ZYG11A: variants seen among roughly 807,000 people sequenced by gnomAD.
The protein encoded by ZYG11A is zyg-11 family member A, cell cycle regulator.
ZYG11A carries 62 observed loss-of-function variants against 77.2 expected under a neutral mutation model. The observed-to-expected ratio is 0.80, with a 90% CI of 0.65 to 0.99. The LOEUF (loss-of-function observed/expected upper bound fraction) is 0.99, where lower values mean the gene tolerates loss of function less well. ZYG11A is among the 50% of genes least tolerant of loss of function. The pLI, the probability that ZYG11A is intolerant of heterozygous loss-of-function variation, is 0.00. For synonymous variants in ZYG11A, 315 were observed against 324.6 expected, an observed-to-expected ratio of 0.97 and a Z score of 0.32; for missense variants, 828 against 896.8, an observed-to-expected ratio of 0.92 and a Z score of 0.98.
intron 13 of ZYG11A, among the ~76,000 whole-genome samples, chr1:52,887,552 A>G (rs1248896701): frequency 1.3e-5 from 2 of 152,028 alleles, no homozygotes; most frequent in African/African-American, 4.8e-5. Context: ...TTTCCCAGAC[A>G]GATTAAATAT....
At position 52,881,455 on chromosome 1, in the gene ZYG11A, T is replaced by G. The variant is rs943250134; in HGVS notation, c.1750-16T>G. 2 of 1,520,260 alleles carry G rather than the reference T, an allele frequency of 1.3e-6. No individual in the cohort carries two copies. The highest frequency in any genetic ancestry group is 2.8e-5 in the African/African-American group (2 of 72,238). The allele number at this position is 1,520,260 out of a possible 1,614,324, so 94.2% of individuals were successfully genotyped here. On this transcript the variant is annotated splice_polypyrimidine_tract_variant and intron_variant, in intron 10 of 13. Transcript: ENST00000371528. The stretch of plus-strand genomic sequence containing the variant: ...CCTTCTTGTCTCTGGGGTTCTCTGC[T>G]CCATCTGACCTGTAGAACAACATAG...
rs1306171815 is a variant in ZYG11A, at chr1:52,893,342, A to G, written c.*385A>G. 1 of 163,912 alleles carries G rather than the reference A, an allele frequency of 6.1e-6. No homozygotes were observed. Among genetic ancestry groups the G allele is most frequent in the Non-Finnish European group, 1.3e-5 (1 of 74,564 alleles). The allele number at this position is 163,912 out of a possible 1,614,324, so 10.2% of individuals were successfully genotyped here. A position where few individuals can be genotyped will look rare whatever the true frequency, so the allele number is the denominator to read the frequency against. On this transcript the variant is annotated 3_prime_UTR_variant, in exon 14 of 14. Coordinates refer to ENST00000371528, the MANE Select transcript of ZYG11A (RefSeq NM_001004339.3). ...CCTACAGGGAGACTTTGATATTTAT[A>G]TTAAATTTCCTTTGTTGTTATCGTC...
chr1:52,862,391 A>G (rs537940325), intron 4 of ZYG11A, among the ~76,000 whole-genome samples: 2 of 144,990 alleles, frequency 1.4e-5, no homozygotes, highest in South Asian at 4.4e-4. Context: ...CGCTCACTGC[A>G]GGCTCCACCT....
chr1:52,867,958 C>CTTTTTT (rs1050261180), intron 8 of ZYG11A, among the ~76,000 whole-genome samples, 181 bp downstream of exon 8: 2 of 98,164 alleles, frequency 2.0e-5, no homozygotes, highest in Admixed American at 1.1e-4. Context: ...CTCCACATTT[C>CTTTTTT]TTTTTTTTTT....
At chr1:52,847,272 G>A (rs1421921536) in intron 1 of ZYG11A, among the ~76,000 whole-genome samples, 1 of 152,198 alleles carries the variant, frequency 6.6e-6, no homozygotes. Context: ...TCACCATGTT[G>A]ATCAGGCTGG....
Position 52,893,941 on chromosome 1 carries a change from A to AGCTGGGACTACAGGCACAT in ZYG11A, c.*987_*1005dup, listed in dbSNP as rs1553126695. On this transcript the variant is annotated 3_prime_UTR_variant, in exon 14 of 14. Transcript: ENST00000371528. The stretch of plus-strand genomic sequence containing the variant: ...ATTCTCCTGCCTCAGCCTCCTGAGT[A>AGCTGGGACTACAGGCACAT]GCTGGGACTACAGGCACATGCCGCC... 1 of 147,678 alleles carries AGCTGGGACTACAGGCACAT rather than the reference A, an allele frequency of 6.8e-6. No individual in the cohort carries two copies. Among genetic ancestry groups the AGCTGGGACTACAGGCACAT allele is most frequent in the Non-Finnish European group, 1.5e-5 (1 of 67,550 alleles). 9.1% of individuals were successfully genotyped at this position (147,678 alleles called of 1,614,324 possible).
In ZYG11A at chr1:52,859,638, C is replaced by T. The variant is rs1224857799; in HGVS notation, c.1009-1093C>T. Among the ~76,000 whole-genome samples, 10 of 106,472 alleles carry T rather than the reference C, an allele frequency of 9.4e-5. No homozygotes were observed. The East Asian group carries it at 2.0e-3, about 22-fold the overall frequency. The allele number at this position is 106,472 out of a possible 152,430, so 69.8% of individuals were successfully genotyped here. A position where few individuals can be genotyped will look rare whatever the true frequency, so the allele number is the denominator to read the frequency against. On this transcript the variant is annotated intron_variant, in intron 3 of 13. Transcript: ENST00000371528. ...GTGTGAGCCACCACGCCCAGCTGGG[C>T]TCTTTATTTTTATCTGTTTGTGTAT...
In ZYG11A at chr1:52,857,598, A is replaced by T. The variant is rs937117670; in HGVS notation, c.857A>T (p.Asn286Ile). The T allele has an allele frequency of 6.4e-7, 1 of 1,551,864 alleles. No individual in the cohort carries two copies. The highest frequency in any genetic ancestry group is 2.4e-5 in the East Asian group (1 of 40,932). Residue 286 changes from asparagine to isoleucine, a missense_variant, in exon 3 of 14, where the codon AAT (asparagine) becomes ATT (isoleucine). Coordinates refer to ENST00000371528, the MANE Select transcript of ZYG11A (RefSeq NM_001004339.3). ...CTACAGCAGAAGGATATCCTGCCCA[A>T]TGTTGTGTCATTGGATATTTCTGGG... ...HLLQQKDILP[N>I]VVSLDISGGN... is the part of the protein sequence containing the mutation.
chr1:52,874,737 C>T (rs1426707510), intron 8 of ZYG11A, among the ~76,000 whole-genome samples: 1 of 151,806 alleles, frequency 6.6e-6, no homozygotes, highest in African/African-American at 2.4e-5. Context: ...TGGGGTGGCA[C>T]GAGCCTGTAA....
At chr1:52,873,324 A>G (rs1646203569) in intron 8 of ZYG11A, among the ~76,000 whole-genome samples, 2 of 152,184 alleles carry the variant, frequency 1.3e-5, no homozygotes, top group Admixed American at 1.3e-4. Context: ...AAAACAAACA[A>G]AAATAATATT....
At chr1:52,872,773 C>T (rs1183938897) in intron 8 of ZYG11A, among the ~76,000 whole-genome samples, 1 of 149,166 alleles carries the variant, frequency 6.7e-6, no homozygotes, top group East Asian at 2.0e-4. Flanking sequence ...ATCCTAGACA[C>T]TTAGGAGGCT....
intron 4 of ZYG11A, among the ~76,000 whole-genome samples, chr1:52,861,175 A>T (rs943347237): frequency 6.6e-6 from 1 of 152,214 alleles, no homozygotes; most frequent in Non-Finnish European, 1.5e-5. Flanking sequence ...AGGGTGGCCA[A>T]ATCTACCACT....
intron 13 of ZYG11A, among the ~76,000 whole-genome samples, chr1:52,891,583 C>G (rs75099513): frequency 0.016 from 2,493 of 151,912 alleles, 133 homozygotes; most frequent in African/African-American, 0.057. Flanking sequence ...GGATTGTGGT[C>G]ATGAGAAGAT....
chr1:52,889,742 C>T (rs151209143), intron 13 of ZYG11A, among the ~76,000 whole-genome samples: 12 of 145,614 alleles, frequency 8.2e-5, no homozygotes, highest in Non-Finnish European at 1.5e-4. Flanking sequence ...GATGGAGTCT[C>T]GCTCTGTCAC....
rs980908859 is a variant in ZYG11A at position 52,877,982 on chromosome 1, G to T, written c.1749+13G>T. The T allele has an allele frequency of 2.5e-5, 39 of 1,550,594 alleles. No homozygotes were observed. Among genetic ancestry groups the T allele is most frequent in the Admixed American group, 7.9e-5 (4 of 50,922 alleles). On this transcript the variant is annotated intron_variant, in intron 10 of 13. Transcript: ENST00000371528. ...ACTTGGTCTTTTGGTAAGGTGAATT[G>T]TTTTGAATTAATTTTAATTGCTTAA...
At chr1:52,859,429 G>A (rs146112682) in intron 3 of ZYG11A, among the ~76,000 whole-genome samples, 2,686 of 151,956 alleles carry the variant, frequency 0.018, 85 homozygotes, top group African/African-American at 0.061. Context: ...TCCGCCTCCC[G>A]GGTTCACGCC....
chr1:52,867,861 C>G, intron 8 of ZYG11A, 84 bp downstream of exon 8: 1 of 1,167,334 alleles, frequency 8.6e-7, no homozygotes, highest in Admixed American at 2.3e-5. Flanking sequence ...CAAATCATTC[C>G]AAAAGGCCTA....
At chr1:52,884,667 A>G (rs966780143) in intron 11 of ZYG11A, among the ~76,000 whole-genome samples, 3 of 152,074 alleles carry the variant, frequency 2.0e-5, no homozygotes, top group Non-Finnish European at 4.4e-5. Flanking sequence ...GAAAAAAAAA[A>G]TTATAAGCTT....
intron 8 of ZYG11A, among the ~76,000 whole-genome samples, chr1:52,871,146 T>G (rs1047259627): frequency 6.6e-6 from 1 of 152,162 alleles, no homozygotes; most frequent in African/African-American, 2.4e-5. Context: ...TTGTTTTGTT[T>G]TGTTTAAGAG....
Sources: gnomAD v4.1 joint callset for allele counts (sites outside exome capture counted in the v4.1 genomes callset) on GRCh38, gnomAD v4.1.1 for gene constraint, MANE v1.5 for transcripts, NCBI Gene and HGNC (gene_info 2026-07-23, HGNC 2026-07-21) for gene names.